PRKG1: variants seen among roughly 807,000 people sequenced by gnomAD.
PRKG1 encodes cGMP-dependent protein kinase 1.
PRKG1 carries 35 observed loss-of-function variants against 88.1 expected under a neutral mutation model. The observed-to-expected ratio is 0.40, with a 90% CI of 0.30 to 0.53. The LOEUF is 0.53. Ranked by LOEUF, PRKG1 falls within the 20% of genes least tolerant of loss-of-function variation. The pLI, the probability that PRKG1 is intolerant of heterozygous loss-of-function variation, is 0.59. For missense variants in PRKG1, 540 were observed against 839.8 expected (o/e 0.64, Z 4.41); for synonymous variants, 303 against 292.5 (o/e 1.04, Z -0.37).
chr10:51,969,222 C>A (rs1469851251), intron 5 of PRKG1, among the ~76,000 whole-genome samples: 1 of 152,116 alleles, frequency 6.6e-6, no homozygotes. Flanking sequence ...AATGCAAAAC[C>A]AGGCTGAAGA....
At chr10:51,525,557 G>A (rs1841859280) in intron 3 of PRKG1, among the ~76,000 whole-genome samples, 1 of 152,064 alleles carries the variant, frequency 6.6e-6, no homozygotes, top group East Asian at 1.9e-4. Flanking sequence ...AATTAGCCGG[G>A]TGTGGTGGCG....
chr10:51,847,484 G>A (rs367941181), intron 4 of PRKG1, among the ~76,000 whole-genome samples: 1 of 151,846 alleles, frequency 6.6e-6, no homozygotes, highest in Non-Finnish European at 1.5e-5. Flanking sequence ...AATCTAAAAT[G>A]AGAAAACCAA....
At chr10:51,662,079 G>A (rs191891191) in intron 3 of PRKG1, among the ~76,000 whole-genome samples, 1 of 152,220 alleles carries the variant, frequency 6.6e-6, no homozygotes, top group African/African-American at 2.4e-5. Context: ...GCCTGTCATA[G>A]GGTGGGGGAA....
chr10:52,091,835 T>A (rs1010796264), intron 7 of PRKG1, among the ~76,000 whole-genome samples: 1 of 152,214 alleles, frequency 6.6e-6, no homozygotes, highest in Non-Finnish European at 1.5e-5. Context: ...CAAACCTTAA[T>A]GCACATTCAT....
At chr10:52,139,257 C>T (rs1367990498) in intron 8 of PRKG1, among the ~76,000 whole-genome samples, 3 of 152,098 alleles carry the variant, frequency 2.0e-5, no homozygotes, top group Non-Finnish European at 2.9e-5. Context: ...CAATTAGAGA[C>T]AAATTGGTGT....
chr10:51,464,655 G>A (rs1366728967), intron 2 of PRKG1, among the ~76,000 whole-genome samples: 1 of 151,872 alleles, frequency 6.6e-6, no homozygotes, highest in Non-Finnish European at 1.5e-5. Flanking sequence ...ACTTTGGGAG[G>A]CCGAGGCGGG....
intron 5 of PRKG1, among the ~76,000 whole-genome samples, chr10:52,021,333 AG>A: frequency 6.6e-6 from 1 of 152,248 alleles, no homozygotes; most frequent in Admixed American, 6.5e-5. Flanking sequence ...AGCAGGAGGG[AG>A]GCCACATGGG....
intron 5 of PRKG1, among the ~76,000 whole-genome samples, chr10:51,920,962 G>T (rs1327601929): frequency 6.6e-6 from 1 of 152,010 alleles, no homozygotes; most frequent in Non-Finnish European, 1.5e-5. Flanking sequence ...GATGAACCAA[G>T]ATTAAAATAT....
Position 51,815,519 on chromosome 10 carries a change from G to GA in PRKG1, c.698+10835dup, listed in dbSNP as rs747186433. 3.3e-5 allele frequency among the ~76,000 whole-genome samples: 5 copies of GA among 152,182 alleles called. No individual in the cohort carries two copies. The South Asian group carries it at 1.0e-3, about 32-fold the overall frequency. ...CTGATAGAGAATCGGAAGTGGGAAT[G>GA]AAAAAATCCTGCTGAGGTGCAAAAT... is the stretch of plus-strand genomic sequence containing the variant. On this transcript the variant is annotated intron_variant, in intron 4 of 17. Transcript: ENST00000373980.
intron 2 of PRKG1, among the ~76,000 whole-genome samples, chr10:51,414,822 T>C (rs1252093941): frequency 6.6e-6 from 1 of 152,220 alleles, no homozygotes; most frequent in Non-Finnish European, 1.5e-5. Context: ...CTTTTCTGCA[T>C]TTTATTTGGT....
intron 5 of PRKG1, among the ~76,000 whole-genome samples, chr10:52,049,223 C>T (rs1404445822): frequency 6.6e-6 from 1 of 151,906 alleles, no homozygotes. Flanking sequence ...GTAAGATTGG[C>T]CAGAAAAAGG....
Position 51,677,207 on chromosome 10 carries a change from ATTTC to A in PRKG1, c.593-127373_593-127370del, listed in dbSNP as rs1840732335. Among the ~76,000 whole-genome samples, 6 of 152,114 alleles carry A rather than the reference ATTTC, an allele frequency of 3.9e-5. No homozygotes were observed. The South Asian group carries it at 1.2e-3, about 32-fold the overall frequency. On this transcript the variant is annotated intron_variant, in intron 3 of 17. Coordinates refer to ENST00000373980, the MANE Select transcript of PRKG1 (RefSeq NM_006258.4). Reference sequence around the variant, plus strand: ...TACCAATATTGTTGCATGTGATTGTATTTCTTTCATTTTTATTGTTGTCTAGTAT... The same window carrying A: ...TACCAATATTGTTGCATGTGATTGTATTTCATTTTTATTGTTGTCTAGTAT...
At chr10:51,322,951 G>T (rs557988129) in intron 2 of PRKG1, among the ~76,000 whole-genome samples, 1 of 152,138 alleles carries the variant, frequency 6.6e-6, no homozygotes, top group South Asian at 2.1e-4. Context: ...AATATGCTGG[G>T]CACTGACCTA....
At chr10:51,163,794 T>C (rs1371167456) in intron 2 of PRKG1, among the ~76,000 whole-genome samples, 1 of 152,166 alleles carries the variant, frequency 6.6e-6, no homozygotes, top group Non-Finnish European at 1.5e-5. Context: ...CGCTGATTGC[T>C]AGCACAGCAG....
At chr10:51,061,191 C>A (rs1396774372) in intron 1 of PRKG1, among the ~76,000 whole-genome samples, 2 of 152,038 alleles carry the variant, frequency 1.3e-5, no homozygotes, top group Non-Finnish European at 2.9e-5. Flanking sequence ...GTGGAGAGGC[C>A]TCACAGTCAT....
intron 3 of PRKG1, among the ~76,000 whole-genome samples, chr10:51,800,852 A>G (rs993673872): frequency 1.4e-4 from 21 of 151,814 alleles, no homozygotes; most frequent in African/African-American, 4.8e-4. Flanking sequence ...TACCCCCATG[A>G]TGTTATCTAA....
chr10:52,125,782 C>G (rs1017173903), intron 7 of PRKG1: 2 of 152,124 alleles, frequency 1.3e-5, no homozygotes, highest in African/African-American at 4.8e-5. Context: ...ACCATATGAC[C>G]TTTTTTTCTT....
intron 3 of PRKG1, among the ~76,000 whole-genome samples, chr10:51,740,699 T>A (rs925637124): frequency 6.6e-6 from 1 of 152,166 alleles, no homozygotes; most frequent in Non-Finnish European, 1.5e-5. Context: ...TCCTTTAAAA[T>A]GTCTCAAGGA....
intron 5 of PRKG1, 102 bp from the exon 6 acceptor site, chr10:52,054,382 A>G (rs1846058802): frequency 5.1e-6 from 4 of 790,498 alleles, no homozygotes; most frequent in Admixed American, 2.2e-5. Flanking sequence ...ATAAAATTCC[A>G]TTAGGATGAA....
Sources: gnomAD v4.1 joint callset for allele counts (sites outside exome capture counted in the v4.1 genomes callset) on GRCh38, gnomAD v4.1.1 for gene constraint, MANE v1.5 for transcripts, NCBI Gene and HGNC (gene_info 2026-07-23, HGNC 2026-07-21) for gene names.